DOCK10: variants seen among roughly 807,000 people sequenced by gnomAD.
DOCK10 encodes the protein dedicator of cytokinesis protein 10.
A neutral mutation model predicts 280.1 loss-of-function variants in DOCK10; 145 were observed. The observed-to-expected ratio is 0.52, with a 90% CI of 0.45 to 0.59. DOCK10 has a LOEUF of 0.59. Ranked by LOEUF, DOCK10 falls within the 20% of genes least tolerant of loss-of-function variation. The pLI, the probability that DOCK10 is intolerant of heterozygous loss-of-function variation, is 0.00. For missense variants in DOCK10, 2,368 were observed against 2,651.7 expected (o/e 0.89, Z 2.35); for synonymous variants, 915 against 942.2 (o/e 0.97, Z 0.53).
At chr2:224,920,454 A>C (rs952956923) in intron 2 of DOCK10, among the ~76,000 whole-genome samples, 1 of 152,132 alleles carries the variant, frequency 6.6e-6, no homozygotes, top group African/African-American at 2.4e-5. Flanking sequence ...TAGAAGATAA[A>C]TAGTAAATAA....
chr2:224,824,043 G>T (rs1694684305), intron 27 of DOCK10, among the ~76,000 whole-genome samples: 1 of 151,952 alleles, frequency 6.6e-6, no homozygotes, highest in African/African-American at 2.4e-5. Flanking sequence ...TAGATATTTT[G>T]GACATGTAGT....
chr2:224,885,008 T>C (rs191630163), intron 7 of DOCK10, among the ~76,000 whole-genome samples: 1 of 152,282 alleles, frequency 6.6e-6, no homozygotes, highest in Admixed American at 6.5e-5. Flanking sequence ...TTGTTGTTTG[T>C]TTGTTTTTTG....
chr2:224,787,431 T>C, intron 48 of DOCK10, 34 bp from the exon 49 acceptor site: 1 of 1,611,366 alleles, frequency 6.2e-7, no homozygotes, highest in Non-Finnish European at 8.5e-7. Context: ...AGATTTTACA[T>C]GATTAGGGTT....
intron 3 of DOCK10, among the ~76,000 whole-genome samples, chr2:224,905,931 T>C (rs1331594158): frequency 6.6e-6 from 1 of 152,128 alleles, no homozygotes; most frequent in Non-Finnish European, 1.5e-5. Flanking sequence ...GGTTTAAAGC[T>C]TGAATTTTCA....
At chr2:224,980,210 A>G (rs2126247995) in intron 1 of DOCK10, among the ~76,000 whole-genome samples, 1 of 152,324 alleles carries the variant, frequency 6.6e-6, no homozygotes, top group Admixed American at 6.5e-5. Context: ...GCTTGCTACA[A>G]GAGCAGGTTC....
At chr2:225,012,050 A>T (rs1179544866) in intron 1 of DOCK10, among the ~76,000 whole-genome samples, 4 of 152,308 alleles carry the variant, frequency 2.6e-5, no homozygotes, top group African/African-American at 9.6e-5. Context: ...ATCAATAATA[A>T]TTCAGTATTA....
chr2:224,929,834 C>G (rs1702232658), intron 2 of DOCK10, among the ~76,000 whole-genome samples: 1 of 152,108 alleles, frequency 6.6e-6, no homozygotes, highest in Non-Finnish European at 1.5e-5. Context: ...TAGCATTTGA[C>G]ATATTTTTGA....
chr2:224,892,427 G>GAAAAAAAAGA (rs58114938), intron 4 of DOCK10, among the ~76,000 whole-genome samples: 8 of 93,968 alleles, frequency 8.5e-5, no homozygotes, highest in African/African-American at 1.4e-4. Flanking sequence ...AAAAAAGAAA[G>GAAAAAAAAGA]AAAGAAAAGA....
At chr2:224,859,727 G>C (rs931648008) in intron 14 of DOCK10, among the ~76,000 whole-genome samples, 3 of 152,154 alleles carry the variant, frequency 2.0e-5, no homozygotes, top group African/African-American at 7.2e-5. Context: ...TCTACACTGC[G>C]AAACAAACTG....
At chr2:225,016,656 CAT>C in intron 1 of DOCK10, among the ~76,000 whole-genome samples, 1 of 64,726 alleles carries the variant, frequency 1.5e-5, no homozygotes, top group African/African-American at 1.1e-4. Context: ...CACATAGATA[CAT>C]AGATACATAT....
At chr2:224,957,786 A>G (rs528778253) in intron 1 of DOCK10, among the ~76,000 whole-genome samples, 1 of 152,314 alleles carries the variant, frequency 6.6e-6, no homozygotes, top group African/African-American at 2.4e-5. Context: ...GCATAAGCCT[A>G]GGTTTCTGTT....
chr2:224,971,180 C>A (rs1705061013), intron 1 of DOCK10, among the ~76,000 whole-genome samples: 2 of 152,106 alleles, frequency 1.3e-5, no homozygotes, highest in African/African-American at 4.8e-5. Flanking sequence ...AAGAGAAGTA[C>A]CATTTGAGCA....
At chr2:224,889,074 C>A (rs148464672) in intron 4 of DOCK10, among the ~76,000 whole-genome samples, 2 of 152,028 alleles carry the variant, frequency 1.3e-5, no homozygotes, top group African/African-American at 2.4e-5. Flanking sequence ...GATAATAAAA[C>A]GGTATTTGTT....
chr2:224,934,439 A>C (rs1380491715), intron 1 of DOCK10, among the ~76,000 whole-genome samples: 1 of 152,206 alleles, frequency 6.6e-6, no homozygotes, highest in Non-Finnish European at 1.5e-5. Flanking sequence ...AATGCATCAT[A>C]ATTTTGTGGA....
In DOCK10 at chr2:224,862,741, T is replaced by A. The variant is rs776583900; in HGVS notation, c.1608A>T (p.Ala536=). 1 of 1,593,798 alleles carries A rather than the reference T, an allele frequency of 6.3e-7. No homozygotes were observed. The highest frequency in any genetic ancestry group is 8.6e-7 in the Non-Finnish European group (1 of 1,167,052). Residue 536 remains alanine (A), a synonymous_variant, in exon 14 of 56, where the codon GCA becomes GCT. Transcript: ENST00000258390. The part of the protein sequence containing the change: ...YIKNPDSNKY[A]QKILKSNRQF... The stretch of plus-strand genomic sequence containing the variant: ...GTCTGTTGGATTTTAGTATCTTTTG[T>A]GCATACTAAAGAAAAAATAAATACA...
At chr2:224,935,376 G>A (rs1410847423) in intron 1 of DOCK10, among the ~76,000 whole-genome samples, 1 of 152,162 alleles carries the variant, frequency 6.6e-6, no homozygotes, top group Non-Finnish European at 1.5e-5. Flanking sequence ...TATTCCTCCA[G>A]AATGGAAGTA....
intron 1 of DOCK10, among the ~76,000 whole-genome samples, chr2:224,960,180 A>G (rs1475054389): frequency 6.6e-6 from 1 of 152,186 alleles, no homozygotes; most frequent in African/African-American, 2.4e-5. Flanking sequence ...TATCATTATT[A>G]TAATTATTAT....
intron 1 of DOCK10, among the ~76,000 whole-genome samples, chr2:224,998,710 C>G (rs1172486191): frequency 2.0e-4 from 31 of 152,164 alleles, no homozygotes; most frequent in Admixed American, 2.0e-3. Context: ...CTAAGCACCC[C>G]CTTTCTTCCC....
intron 1 of DOCK10, among the ~76,000 whole-genome samples, chr2:224,980,400 A>C (rs1705685083): frequency 6.6e-6 from 1 of 152,254 alleles, no homozygotes; most frequent in African/African-American, 2.4e-5. Context: ...ATTGTAGTAT[A>C]GCATTTCCAT....
Sources: allele counts gnomAD v4.1 joint callset (sites outside exome capture counted in the v4.1 genomes callset), GRCh38; gene constraint gnomAD v4.1.1; transcripts MANE v1.5; gene names NCBI Gene and HGNC (gene_info 2026-07-23, HGNC 2026-07-21).